Variants in MTHFD2L observed in about 807,000 individuals in gnomAD.
MTHFD2L encodes the protein bifunctional methylenetetrahydrofolate dehydrogenase/cyclohydrolase 2, mitochondrial.
MTHFD2L carries 29 observed loss-of-function variants against 34.9 expected under a neutral mutation model. The observed-to-expected ratio is 0.83, with a 90% CI of 0.62 to 1.13. The LOEUF (loss-of-function observed/expected upper bound fraction) is 1.13. Ranked by LOEUF, MTHFD2L falls within the 50% of genes most tolerant of loss-of-function variation. The pLI is 0.00. For missense variants in MTHFD2L, 481 were observed against 446.5 expected (o/e 1.08, Z -0.70); for synonymous variants, 167 against 155.7 (o/e 1.07, Z -0.54).
chr4:74,295,555 G>A (rs1267447660), intron 7 of MTHFD2L, among the ~76,000 whole-genome samples: 3 of 152,118 alleles, frequency 2.0e-5, no homozygotes, highest in African/African-American at 7.2e-5. Context: ...TTAGAGAAAT[G>A]TGCAAACACA....
chr4:74,203,964 G>A (rs753294433), intron 5 of MTHFD2L, among the ~76,000 whole-genome samples: 4 of 151,296 alleles, frequency 2.6e-5, no homozygotes, highest in Middle Eastern at 3.4e-3. Context: ...GTATTGCTCC[G>A]TGATTTGCTC....
chr4:74,225,186 C>A, intron 5 of MTHFD2L, 116 bp from the exon 6 acceptor site: 2 of 753,638 alleles, frequency 2.7e-6, no homozygotes, highest in South Asian at 1.9e-5. Flanking sequence ...GTGATTTAGT[C>A]ATGTCAAAGT....
chr4:74,241,917 C>G (rs890139506), intron 6 of MTHFD2L: 3 of 154,068 alleles, frequency 1.9e-5, no homozygotes, highest in African/African-American at 7.2e-5. Context: ...ATTTATATAG[C>G]ATTCTTGAAA....
chr4:74,243,313 A>G (rs1741968162), intron 6 of MTHFD2L, among the ~76,000 whole-genome samples: 1 of 152,226 alleles, frequency 6.6e-6, no homozygotes, highest in Non-Finnish European at 1.5e-5. Context: ...CTCCCTGAGT[A>G]CAGGAACTCT....
At chr4:74,197,835 A>G (rs1289292034) in intron 3 of MTHFD2L, among the ~76,000 whole-genome samples, 1 of 152,182 alleles carries the variant, frequency 6.6e-6, no homozygotes, top group African/African-American at 2.4e-5. Flanking sequence ...AGTAGTTCAC[A>G]TTATTGCTAT....
upstream of MTHFD2L, chr4:74,123,519 A>C (rs1721861295): frequency 6.6e-6 from 1 of 152,138 alleles, no homozygotes. Context: ...TTGCTTATTA[A>C]AACAAAAAAA....
chr4:74,249,384 T>G (rs1742983336), intron 6 of MTHFD2L, among the ~76,000 whole-genome samples: 1 of 152,186 alleles, frequency 6.6e-6, no homozygotes, highest in African/African-American at 2.4e-5. Flanking sequence ...TCTCTGCACA[T>G]GAAATGGGTT....
intron 7 of MTHFD2L, among the ~76,000 whole-genome samples, chr4:74,299,326 G>T (rs1415532726): frequency 6.6e-6 from 1 of 151,512 alleles, no homozygotes; most frequent in Admixed American, 6.6e-5. Flanking sequence ...ATATGACTTT[G>T]TGTTCTATTA....
At chr4:74,189,965 C>T (rs189371353) in intron 3 of MTHFD2L, among the ~76,000 whole-genome samples, 2 of 151,934 alleles carry the variant, frequency 1.3e-5, no homozygotes, top group Admixed American at 6.6e-5. Flanking sequence ...ACCAGGTCAA[C>T]GAATATTTAC....
intron 5 of MTHFD2L, among the ~76,000 whole-genome samples, chr4:74,222,562 C>T (rs1293422926): frequency 1.3e-5 from 2 of 152,114 alleles, no homozygotes; most frequent in African/African-American, 4.8e-5. Flanking sequence ...TCCATTTCAA[C>T]ATAAGTTTGG....
chr4:74,289,480 C>T (rs1448056032), intron 7 of MTHFD2L, among the ~76,000 whole-genome samples: 2 of 151,996 alleles, frequency 1.3e-5, no homozygotes, highest in African/African-American at 4.8e-5. Context: ...TCTTATAGAC[C>T]AAGGAAGGAT....
intron 1 of MTHFD2L, among the ~76,000 whole-genome samples, chr4:74,170,023 A>G (rs527387494): frequency 1.3e-5 from 2 of 152,208 alleles, no homozygotes; most frequent in Non-Finnish European, 2.9e-5. Context: ...AGAATCAGAT[A>G]GCTTCATGGG....
rs1302649452 is a variant in MTHFD2L, at chr4:74,133,941, C to G, written c.-297+8424C>G. Among the ~76,000 whole-genome samples, 4 of 152,214 alleles carry G rather than the reference C, an allele frequency of 2.6e-5. No homozygotes were observed. In the East Asian group the frequency reaches 5.8e-4, roughly 22 times the overall value. ...GAGGATGAGACAGTTCCTGTAGGTACAGAGAAGTGGAAACATTCTGAGCAG... is the reference window on the plus strand; with the variant it reads ...GAGGATGAGACAGTTCCTGTAGGTAGAGAGAAGTGGAAACATTCTGAGCAG... On this transcript the variant is annotated intron_variant, in intron 1 of 7. Transcript: ENST00000433372.
intron 5 of MTHFD2L, among the ~76,000 whole-genome samples, chr4:74,220,812 T>C (rs1160730308): frequency 6.6e-6 from 1 of 151,424 alleles, no homozygotes; most frequent in Non-Finnish European, 1.5e-5. Flanking sequence ...TGTTTCTTAT[T>C]GTAGTCTGGT....
chr4:74,182,871 A>G lies in MTHFD2L; in HGVS notation c.451+7468A>G, dbSNP rs547502288. On this transcript the variant is annotated intron_variant, in intron 3 of 7. Transcript: ENST00000325278. ...GCATTGTTCTTGGAAACTAGGTATT[A>G]CAGATGGTTGTAAATTACAAAAAGT... 9.2e-5 allele frequency: 14 copies of G among 152,196 alleles called. 1 individual carries two copies. The highest frequency in any genetic ancestry group is 1.6e-4 in the Non-Finnish European group (11 of 68,028). 9.4% of individuals were successfully genotyped at this position (152,196 alleles called of 1,614,324 possible). A position where few individuals can be genotyped will look rare whatever the true frequency, so the allele number is the denominator to read the frequency against.
intron 7 of MTHFD2L, among the ~76,000 whole-genome samples, chr4:74,294,473 G>C (rs1412921014): frequency 6.6e-6 from 1 of 152,062 alleles, no homozygotes; most frequent in Non-Finnish European, 1.5e-5. Context: ...CTGTCATGAA[G>C]GATGGATTGA....
chr4:74,159,652 C>A (rs479117), intron 1 of MTHFD2L, among the ~76,000 whole-genome samples: 146,362 of 152,256 alleles, frequency 0.96, 70,607 homozygotes, highest in East Asian at 1. Flanking sequence ...GGTTGTAGCC[C>A]CTTGCTTTGT....
intron 6 of MTHFD2L, among the ~76,000 whole-genome samples, chr4:74,237,914 A>G (rs929637483): frequency 1.3e-5 from 2 of 152,218 alleles, no homozygotes; most frequent in Non-Finnish European, 2.9e-5. Context: ...TTTACTTTCT[A>G]CTGTGGGTAG....
intron 1 of MTHFD2L, among the ~76,000 whole-genome samples, chr4:74,171,025 G>T (rs901509512): frequency 2.0e-5 from 3 of 151,458 alleles, no homozygotes; most frequent in Non-Finnish European, 4.4e-5. Context: ...TATACCTAAT[G>T]CTAAATGACA....
Sources: allele counts gnomAD v4.1 joint callset (sites outside exome capture counted in the v4.1 genomes callset), GRCh38; gene constraint gnomAD v4.1.1; transcripts MANE v1.5; gene names NCBI Gene and HGNC (gene_info 2026-07-23, HGNC 2026-07-21).